Variants in MARK1 observed in about 807,000 individuals in gnomAD.
MARK1 encodes the protein microtubule affinity regulating kinase 1, also known as serine/threonine-protein kinase MARK1.
Under a neutral mutation model 96.3 loss-of-function variants are expected in MARK1, and 40 were observed. That is an observed-to-expected ratio of 0.42 (90% CI 0.32 to 0.54). The LOEUF is 0.54. Ranked by LOEUF, MARK1 falls within the 20% of genes least tolerant of loss-of-function variation. The probability of loss-of-function intolerance (pLI) is 0.16; values close to 1 mark genes in which losing one functional copy is unlikely to be tolerated. For synonymous variants in MARK1, 317 were observed against 341.2 expected, an observed-to-expected ratio of 0.93 and a Z score of 0.78; for missense variants, 719 against 984.6, an observed-to-expected ratio of 0.73 and a Z score of 3.61.
intron 5 of MARK1, among the ~76,000 whole-genome samples, chr1:220,603,820 T>C (rs1218190610): frequency 1.3e-5 from 2 of 152,078 alleles, no homozygotes; most frequent in African/African-American, 2.4e-5. Context: ...AAGCAAGTTT[T>C]CTTGGTTGTG....
intron 5 of MARK1, among the ~76,000 whole-genome samples, chr1:220,601,841 A>G (rs1665769572): frequency 6.6e-6 from 1 of 152,170 alleles, no homozygotes; most frequent in Admixed American, 6.5e-5. Flanking sequence ...TCAGTAGCAT[A>G]TTTGGGAGGC....
chr1:220,636,264 T>A (rs1667962300), intron 13 of MARK1, among the ~76,000 whole-genome samples: 1 of 152,202 alleles, frequency 6.6e-6, no homozygotes, highest in Non-Finnish European at 1.5e-5. Flanking sequence ...GAAACTTTCC[T>A]GCTTCATTTT....
At chr1:220,617,099 A>G (rs974715571) in intron 7 of MARK1, among the ~76,000 whole-genome samples, 5 of 152,130 alleles carry the variant, frequency 3.3e-5, no homozygotes, top group African/African-American at 4.8e-5. Flanking sequence ...AGAAATTTAC[A>G]ATGACCAGCC....
rs1316646198 is a variant in MARK1, at chr1:220,580,156, G to A, written c.255+599G>A. Among the ~76,000 whole-genome samples the A allele has an allele frequency of 3.3e-5, 5 of 151,868 alleles. No homozygotes were observed. The South Asian group carries it at 6.3e-4, about 19-fold the overall frequency. ...TGTGTAACATTTTGTATTATATAAC[G>A]TTTACTAGATCTGATTAGGACATTA... On this transcript the variant is annotated intron_variant, in intron 2 of 17. Coordinates refer to ENST00000366917, the MANE Select transcript of MARK1 (RefSeq NM_018650.5).
chr1:220,551,366 A>G (rs952582775), intron 1 of MARK1, among the ~76,000 whole-genome samples: 34 of 152,214 alleles, frequency 2.2e-4, no homozygotes, highest in Admixed American at 2.2e-3. Flanking sequence ...ATGTTAGCCT[A>G]GGACCATAGA....
chr1:220,597,175 TG>T (rs1324721670), intron 3 of MARK1, among the ~76,000 whole-genome samples: 15 of 152,330 alleles, frequency 9.8e-5, no homozygotes, highest in Admixed American at 3.3e-4. Context: ...TGAACATGGG[TG>T]TACTAGTATC....
At chr1:220,582,320 T>A (rs1399289503) in intron 3 of MARK1, among the ~76,000 whole-genome samples, 1 of 152,228 alleles carries the variant, frequency 6.6e-6, no homozygotes, top group Non-Finnish European at 1.5e-5. Context: ...GGAGAAAGTC[T>A]CTTCTTTTAG....
intron 6 of MARK1, among the ~76,000 whole-genome samples, chr1:220,615,479 G>A (rs1666689984): frequency 6.6e-6 from 1 of 151,954 alleles, no homozygotes; most frequent in African/African-American, 2.4e-5. Flanking sequence ...TTAGTGATTT[G>A]GCCTCACTAA....
intron 3 of MARK1, among the ~76,000 whole-genome samples, chr1:220,584,180 C>T (rs1359878916): frequency 6.6e-6 from 1 of 152,096 alleles, no homozygotes; most frequent in African/African-American, 2.4e-5. Context: ...TCTCTGCTAA[C>T]ATTTTTGTAT....
chr1:220,580,191 AT>A (rs1664139290), intron 2 of MARK1, among the ~76,000 whole-genome samples: 1 of 152,076 alleles, frequency 6.6e-6, no homozygotes, highest in Non-Finnish European at 1.5e-5. Context: ...ATAAAAAAAA[AT>A]CTCAATCAGG....
At position 220,610,769 on chromosome 1, in the gene MARK1, T is replaced by A. The variant is rs1272897369; in HGVS notation, c.496-5170T>A. Among the ~76,000 whole-genome samples, 9 of 152,138 alleles carry A rather than the reference T, an allele frequency of 5.9e-5. 1 individual carries two copies. On this transcript the variant is annotated intron_variant, in intron 6 of 17. Transcript: ENST00000366917. Reference sequence around the variant, plus strand: ...ATGACCTTTTGGTTGATGTTGATGCTATTCCTTTCTGTTTGTTAGTTTTCC... The same window carrying A: ...ATGACCTTTTGGTTGATGTTGATGCAATTCCTTTCTGTTTGTTAGTTTTCC...
chr1:220,631,182 A>C (rs1193363823), intron 10 of MARK1, 48 bp downstream of exon 10: 2 of 1,303,666 alleles, frequency 1.5e-6, no homozygotes, highest in East Asian at 4.7e-5. Flanking sequence ...GCAACAAGTA[A>C]GAGTCCTTTA....
chr1:220,595,802 T>A (rs1665297495), intron 3 of MARK1, among the ~76,000 whole-genome samples: 1 of 152,122 alleles, frequency 6.6e-6, no homozygotes, highest in Admixed American at 6.5e-5. Flanking sequence ...CCAGTGAGAT[T>A]CAGTGTGACA....
rs547296502 is a variant in MARK1 at position 220,654,665 on chromosome 1, A to G, written c.1988+1313A>G. On this transcript the variant is annotated intron_variant, in intron 16 of 17. Coordinates refer to ENST00000366917, the MANE Select transcript of MARK1 (RefSeq NM_018650.5). The surrounding 1 kb of genome is among the most constrained non-coding windows in gnomAD (Gnocchi z 4.0). ...GCAGGGTACTAGTCAGATTATCAGT[A>G]GTTTCTGCTTTTGGAATTTGTCTAT... Among the ~76,000 whole-genome samples, 31 of 152,356 alleles carry G rather than the reference A, an allele frequency of 2.0e-4. No homozygotes were observed. Among genetic ancestry groups the G allele is most frequent in the African/African-American group, 7.5e-4 (31 of 41,582 alleles).
At chr1:220,601,018 C>T (rs1665704156) in intron 5 of MARK1, among the ~76,000 whole-genome samples, 1 of 151,842 alleles carries the variant, frequency 6.6e-6, no homozygotes, top group African/African-American at 2.4e-5. Context: ...CCCAGGTTCA[C>T]TCCATTCTGC....
chr1:220,626,550 G>C, intron 9 of MARK1: 1 of 474,614 alleles, frequency 2.1e-6, no homozygotes, highest in Non-Finnish European at 4.2e-6. Context: ...CTGGCCTGTC[G>C]TGGTGGCTCA....
At chr1:220,538,906 G>A (rs1380223063) in intron 1 of MARK1, among the ~76,000 whole-genome samples, 2 of 146,610 alleles carry the variant, frequency 1.4e-5, no homozygotes, top group African/African-American at 5.0e-5. Context: ...TGTGATTTTT[G>A]TACATTGATT....
At chr1:220,623,201 A>G (rs989753539) in intron 9 of MARK1, among the ~76,000 whole-genome samples, 2 of 152,092 alleles carry the variant, frequency 1.3e-5, no homozygotes, top group African/African-American at 2.4e-5. Context: ...CTCGGGTTAC[A>G]TGAGCTCTCT....
At chr1:220,567,172 T>C (rs1056001291) in intron 1 of MARK1, among the ~76,000 whole-genome samples, 5 of 152,162 alleles carry the variant, frequency 3.3e-5, no homozygotes, top group African/African-American at 1.2e-4. Context: ...TATATGAAGA[T>C]TTTATTTCTA....
Sources: allele counts gnomAD v4.1 joint callset (sites outside exome capture counted in the v4.1 genomes callset), GRCh38; gene constraint gnomAD v4.1.1; non-coding constraint Gnocchi (gnomAD v3.1); transcripts MANE v1.5; gene names NCBI Gene and HGNC (gene_info 2026-07-23, HGNC 2026-07-21).